The following APP variants were observed in gnomAD, a reference collection of about 807,000 sequenced individuals.
APP encodes amyloid-beta precursor protein.
A neutral mutation model predicts 101.4 loss-of-function variants in APP; 31 were observed. That is an observed-to-expected ratio of 0.31 (90% CI 0.23 to 0.41). The LOEUF is 0.41. Among genes scored for constraint, APP ranks in the 10% least tolerant of loss-of-function variants. The pLI is 1.00. For missense variants in APP, 839 were observed against 1,003.7 expected (o/e 0.84, Z 2.22); for synonymous variants, 366 against 364.4 (o/e 1.00, Z -0.05).
rs532595711 is a variant in APP, at chr21:26,038,539, G to A, written c.662+12461C>T. Among the ~76,000 whole-genome samples the A allele has an allele frequency of 5.3e-5, 8 of 152,188 alleles. No homozygotes were observed. The East Asian group carries it at 5.8e-4, about 11-fold the overall frequency. On this transcript the variant is annotated intron_variant, in intron 5 of 17. Coordinates refer to ENST00000346798, the MANE Select transcript of APP (RefSeq NM_000484.4). ...AGCACTTTGGGAGCCCGAGGCAGGCGGATCACCTGAGGTCAGGAGTTCGAG... is the reference window on the plus strand; with the variant it reads ...AGCACTTTGGGAGCCCGAGGCAGGCAGATCACCTGAGGTCAGGAGTTCGAG...
chr21:26,125,614 G>GCCAA (rs1028424021), intron 1 of APP, among the ~76,000 whole-genome samples: 1 of 151,814 alleles, frequency 6.6e-6, no homozygotes, highest in African/African-American at 2.4e-5. Context: ...TGCTTTCATG[G>GCCAA]CCAAGGTCAA....
intron 1 of APP, among the ~76,000 whole-genome samples, chr21:26,125,009 G>A (rs1039530222): frequency 6.6e-6 from 1 of 152,210 alleles, no homozygotes; most frequent in Non-Finnish European, 1.5e-5. Context: ...GTCTGGCAAG[G>A]GTACACCGAA....
intron 8 of APP, among the ~76,000 whole-genome samples, chr21:25,984,809 C>G (rs1056526152): frequency 3.9e-5 from 6 of 152,116 alleles, no homozygotes; most frequent in African/African-American, 1.4e-4. Flanking sequence ...TCCAATCTGG[C>G]AGAATGACAT....
intron 11 of APP, among the ~76,000 whole-genome samples, chr21:25,958,772 A>C (rs913080956): frequency 3.3e-5 from 5 of 152,218 alleles, no homozygotes; most frequent in Non-Finnish European, 5.9e-5. Flanking sequence ...GGCCTTATCT[A>C]TAAATCATCG....
rs879605845 is a variant in APP at position 25,916,163 on chromosome 21, G to A, written c.1688-4201C>T. ...ATTACAGGCACACACTACCATGACC[G>A]GATAGTTTTTATGTTTTTAGTAGAG... is the stretch of plus-strand genomic sequence containing the variant. On this transcript the variant is annotated intron_variant, in intron 13 of 17. Transcript: ENST00000346798. Among the ~76,000 whole-genome samples the A allele has an allele frequency of 9.2e-5, 14 of 152,200 alleles. No individual in the cohort carries two copies. In the East Asian group the frequency reaches 2.1e-3, roughly 23 times the overall value.
chr21:26,022,630 C>G (rs374432258), intron 5 of APP, among the ~76,000 whole-genome samples: 1 of 152,122 alleles, frequency 6.6e-6, no homozygotes, highest in Non-Finnish European at 1.5e-5. Flanking sequence ...TGCTTGAATT[C>G]TTTGTAAACC....
chr21:25,966,874 T>G (rs1244080200), intron 11 of APP, among the ~76,000 whole-genome samples: 1 of 152,250 alleles, frequency 6.6e-6, no homozygotes, highest in Non-Finnish European at 1.5e-5. Context: ...GCGAAAAATT[T>G]ATTTATGAGG....
intron 6 of APP, among the ~76,000 whole-genome samples, chr21:26,002,658 C>T (rs1057354614): frequency 1.6e-4 from 25 of 152,188 alleles, no homozygotes; most frequent in Admixed American, 6.5e-4. Context: ...TTGCAAGCAC[C>T]GTGGTCATTG....
intron 1 of APP, among the ~76,000 whole-genome samples, chr21:26,119,192 C>T (rs2062507302): frequency 6.6e-6 from 1 of 152,172 alleles, no homozygotes; most frequent in Admixed American, 6.5e-5. Flanking sequence ...AGCTGGCATT[C>T]CTGGTACTAG....
chr21:25,984,633 TA>T (rs2042570719), intron 8 of APP, among the ~76,000 whole-genome samples: 1 of 152,188 alleles, frequency 6.6e-6, no homozygotes, highest in African/African-American at 2.4e-5. Context: ...ATGATTAAGT[TA>T]AAAATACTTG....
chr21:25,992,937 GA>G (rs2042924378), intron 8 of APP, among the ~76,000 whole-genome samples: 1 of 152,210 alleles, frequency 6.6e-6, no homozygotes, highest in East Asian at 1.9e-4. Flanking sequence ...AGAATAGTGT[GA>G]TTAAGAACAA....
At chr21:26,079,493 C>G (rs1282565083) in intron 3 of APP, among the ~76,000 whole-genome samples, 2 of 152,126 alleles carry the variant, frequency 1.3e-5, no homozygotes, top group Non-Finnish European at 2.9e-5. Flanking sequence ...CATTTCAGAC[C>G]ACCAGATCAG....
chr21:26,147,868 C>T (rs541674617), intron 1 of APP, among the ~76,000 whole-genome samples: 10 of 152,022 alleles, frequency 6.6e-5, no homozygotes, highest in Non-Finnish European at 1.3e-4. Context: ...CCCCAACCCC[C>T]CCAAAAAAAC....
At position 25,941,989 on chromosome 21, in the gene APP, GTA is replaced by G. The variant is rs1388282908; in HGVS notation, c.1687+12599_1687+12600del. The G allele has an allele frequency of 2.0e-5, 3 of 152,156 alleles. No individual in the cohort carries two copies. In the East Asian group the frequency reaches 5.8e-4, roughly 29 times the overall value. The allele number at this position is 152,156 out of a possible 1,614,324, so 9.4% of individuals were successfully genotyped here. A position where few individuals can be genotyped will look rare whatever the true frequency, so the allele number is the denominator to read the frequency against. On this transcript the variant is annotated intron_variant, in intron 13 of 17. Coordinates refer to ENST00000346798, the MANE Select transcript of APP (RefSeq NM_000484.4). ...GGCTGCAATAATCACATGGAAGAAG[GTA>G]TGTTTGTTGGCATGGTTCATGGGCT...
intron 11 of APP, among the ~76,000 whole-genome samples, chr21:25,964,536 TTTATGTTA>T (rs2041710279): frequency 6.6e-6 from 1 of 151,810 alleles, no homozygotes; most frequent in African/African-American, 2.4e-5. Flanking sequence ...AAGACAAGAG[TTTATGTTA>T]TAAAAGGTAG....
chr21:26,002,004 C>T (rs928689577), intron 6 of APP, among the ~76,000 whole-genome samples: 2 of 152,210 alleles, frequency 1.3e-5, no homozygotes, highest in African/African-American at 2.4e-5. Context: ...GGGATACTTA[C>T]GTCAACAAGT....
At chr21:26,098,803 C>T (rs139194925) in intron 2 of APP, among the ~76,000 whole-genome samples, 3 of 152,274 alleles carry the variant, frequency 2.0e-5, no homozygotes, top group African/African-American at 2.4e-5. Context: ...TTATGTGGTA[C>T]TAATAAAATG....
At chr21:26,100,649 T>C (rs1271496191) in intron 2 of APP, among the ~76,000 whole-genome samples, 2 of 152,158 alleles carry the variant, frequency 1.3e-5, no homozygotes, top group Admixed American at 1.3e-4. Context: ...GAGGAGAAAG[T>C]TGGGCAAAGG....
At chr21:26,003,600 G>A (rs1055425889) in intron 6 of APP, among the ~76,000 whole-genome samples, 1 of 152,224 alleles carries the variant, frequency 6.6e-6, no homozygotes, top group African/African-American at 2.4e-5. Context: ...ATGTACGTGA[G>A]GCTGGAAGAA....
Sources: gnomAD v4.1 joint callset for allele counts (sites outside exome capture counted in the v4.1 genomes callset) on GRCh38, gnomAD v4.1.1 for gene constraint, MANE v1.5 for transcripts, NCBI Gene and HGNC (gene_info 2026-07-23, HGNC 2026-07-21) for gene names.